TMEFF2: variants seen among roughly 807,000 people sequenced by gnomAD.
The protein encoded by TMEFF2 is tomoregulin-2.
In TMEFF2, 28 loss-of-function variants were observed where a neutral mutation model predicts 53.8. That is an observed-to-expected ratio of 0.52 (90% CI 0.39 to 0.71). The LOEUF (loss-of-function observed/expected upper bound fraction) is 0.71, where lower values mean the gene tolerates loss of function less well. Ranked by LOEUF, TMEFF2 falls within the 30% of genes least tolerant of loss-of-function variation. TMEFF2 has a pLI of 0.00. For synonymous variants in TMEFF2, 162 were observed against 166.3 expected, an observed-to-expected ratio of 0.97 and a Z score of 0.20; for missense variants, 353 against 455.2, an observed-to-expected ratio of 0.78 and a Z score of 2.04.
intron 4 of TMEFF2, among the ~76,000 whole-genome samples, chr2:192,167,052 G>C (rs1341876575): frequency 6.6e-6 from 1 of 152,000 alleles, no homozygotes. Context: ...CACTTAAATG[G>C]ATACTCTTTT....
At chr2:191,955,269 ATAAAT>A (rs1464037612) in intron 8 of TMEFF2, among the ~76,000 whole-genome samples, 12 of 151,802 alleles carry the variant, frequency 7.9e-5, no homozygotes, top group Admixed American at 7.9e-4. Flanking sequence ...AAAAATAAAA[ATAAAT>A]TATGTTTTCA....
At chr2:192,179,492 T>C in intron 4 of TMEFF2, 176 bp downstream of exon 4, 1 of 473,520 alleles carries the variant, frequency 2.1e-6, no homozygotes, top group South Asian at 6.8e-5. Flanking sequence ...GTATGCCAAA[T>C]AATTTGCACG....
intron 4 of TMEFF2, among the ~76,000 whole-genome samples, chr2:192,157,256 T>G (rs1247365663): frequency 6.6e-6 from 1 of 152,076 alleles, no homozygotes; most frequent in Non-Finnish European, 1.5e-5. Context: ...TTAACTTTGT[T>G]GCCAAACATA....
intron 4 of TMEFF2, among the ~76,000 whole-genome samples, chr2:192,161,129 C>T (rs1690622427): frequency 6.6e-6 from 1 of 151,972 alleles, no homozygotes; most frequent in South Asian, 2.1e-4. Flanking sequence ...CGTTTGCATA[C>T]CAGCGTCCAA....
At chr2:191,953,616 GATTAA>G in intron 9 of TMEFF2, 58 bp downstream of exon 9, 1 of 1,566,716 alleles carries the variant, frequency 6.4e-7, no homozygotes, top group Non-Finnish European at 8.7e-7. Context: ...GGAGGGATCT[GATTAA>G]ATAAAAGAGT....
chr2:191,961,804 C>A (rs1307488156), intron 7 of TMEFF2, among the ~76,000 whole-genome samples: 1 of 152,100 alleles, frequency 6.6e-6, no homozygotes, highest in Non-Finnish European at 1.5e-5. Context: ...ACTAGAAAAG[C>A]ATTCCTATTG....
At chr2:192,095,061 T>C (rs764082078) in intron 4 of TMEFF2, among the ~76,000 whole-genome samples, 11 of 152,142 alleles carry the variant, frequency 7.2e-5, no homozygotes, top group Non-Finnish European at 1.5e-4. Flanking sequence ...AGCATCCCAC[T>C]AGCAACAGAA....
chr2:192,106,135 A>G (rs1689139101), intron 4 of TMEFF2, among the ~76,000 whole-genome samples: 4 of 151,836 alleles, frequency 2.6e-5, no homozygotes, highest in African/African-American at 9.7e-5. Flanking sequence ...GATATTTGAA[A>G]TGTCCAAAAA....
At chr2:192,112,626 T>A (rs528406869) in intron 4 of TMEFF2, among the ~76,000 whole-genome samples, 15 of 152,250 alleles carry the variant, frequency 9.9e-5, no homozygotes, top group Non-Finnish European at 1.9e-4. Context: ...GAAGGCATGA[T>A]TGGTTTTGAA....
At chr2:191,951,136 CGT>C (rs1380612807) in intron 9 of TMEFF2, among the ~76,000 whole-genome samples, 1 of 151,260 alleles carries the variant, frequency 6.6e-6, no homozygotes, top group South Asian at 2.1e-4. Context: ...ATATATATCA[CGT>C]GTGTATATGT....
chr2:192,039,824 C>G (rs1396922836), intron 5 of TMEFF2, among the ~76,000 whole-genome samples: 4 of 152,082 alleles, frequency 2.6e-5, no homozygotes, highest in African/African-American at 9.7e-5. Flanking sequence ...TTTAGAGATG[C>G]TTCCTAATCT....
chr2:191,983,391 C>T (rs200109328), intron 7 of TMEFF2, among the ~76,000 whole-genome samples: 1 of 144,392 alleles, frequency 6.9e-6, no homozygotes, highest in Admixed American at 6.9e-5. Flanking sequence ...GCATCTTAGC[C>T]TTTTTTTTTT....
At chr2:192,035,332 C>CA (rs1266887882) in intron 5 of TMEFF2, 1 of 152,216 alleles carries the variant, frequency 6.6e-6, no homozygotes, top group East Asian at 1.9e-4. Context: ...TAGAACCAGA[C>CA]ACATCAGTGT....
intron 4 of TMEFF2, among the ~76,000 whole-genome samples, chr2:192,120,075 A>G (rs1689512620): frequency 6.6e-6 from 1 of 152,144 alleles, no homozygotes; most frequent in Non-Finnish European, 1.5e-5. Flanking sequence ...AAGGAAACAA[A>G]AGTTTCCTAT....
Position 192,037,273 on chromosome 2 carries a change from TAAAGAAAGAAAGAAAGAAAGAAAGAAAG to T in TMEFF2, c.536+20378_536+20405del, listed in dbSNP as rs58233148. Among the ~76,000 whole-genome samples the T allele has an allele frequency of 4.9e-3, 462 of 94,764 alleles. 8 individuals are homozygous for T. Among genetic ancestry groups the T allele is most frequent in the African/African-American group, 0.018 (425 of 23,334 alleles). The allele number at this position is 94,764 out of a possible 152,430, so 62.2% of individuals were successfully genotyped here. On this transcript the variant is annotated intron_variant, in intron 5 of 9. Coordinates refer to ENST00000272771, the MANE Select transcript of TMEFF2 (RefSeq NM_016192.4). ...AATGCACTTCTAAGACTAGCCAAAA[TAAAGAAAGAAAGAAAGAAAGAAAGAAAG>T]AAAGAAAGAAAGAAAGAAAGAAAGA...
At chr2:192,032,023 T>C (rs1687150652) in intron 5 of TMEFF2, 1 of 152,184 alleles carries the variant, frequency 6.6e-6, no homozygotes, top group Non-Finnish European at 1.5e-5. Context: ...AAAATAAAAT[T>C]GATTGGTCTG....
chr2:192,096,670 C>CTCTTTTT (rs61068218), intron 4 of TMEFF2, among the ~76,000 whole-genome samples: 1 of 53,686 alleles, frequency 1.9e-5, no homozygotes, highest in Non-Finnish European at 2.8e-5. Flanking sequence ...CTCTCTCTCT[C>CTCTTTTT]TTTTTTTTTT....
chr2:192,040,611 C>A (rs1051892404), intron 5 of TMEFF2, among the ~76,000 whole-genome samples: 3 of 152,030 alleles, frequency 2.0e-5, no homozygotes, highest in African/African-American at 4.8e-5. Flanking sequence ...CCACTAGGAC[C>A]ACTGGGGACG....
At chr2:191,951,171 G>GTA (rs1691868129) in intron 9 of TMEFF2, among the ~76,000 whole-genome samples, 1 of 151,852 alleles carries the variant, frequency 6.6e-6, no homozygotes, top group African/African-American at 2.4e-5. Context: ...ATGTATGTGT[G>GTA]TGTGTGTATG....
Sources: gnomAD v4.1 joint callset for allele counts (sites outside exome capture counted in the v4.1 genomes callset) on GRCh38, gnomAD v4.1.1 for gene constraint, MANE v1.5 for transcripts, NCBI Gene and HGNC (gene_info 2026-07-23, HGNC 2026-07-21) for gene names.